COL24A1: variants seen among roughly 807,000 people sequenced by gnomAD.
COL24A1 encodes the protein collagen alpha-1(XXIV) chain.
COL24A1 carries 224 observed loss-of-function variants against 253.9 expected under a neutral mutation model. The ratio of observed to expected loss-of-function variants is 0.88; its 90% CI spans 0.79 to 0.99. COL24A1 has a LOEUF of 0.99. Among genes scored for constraint, COL24A1 ranks in the 50% least tolerant of loss-of-function variants. COL24A1 has a pLI of 0.00. For missense variants in COL24A1, 2,131 were observed against 2,068.5 expected, an observed-to-expected ratio of 1.03 and a Z score of -0.59; for synonymous variants, 685 against 673.7, an observed-to-expected ratio of 1.02 and a Z score of -0.26.
chr1:85,739,410 C>G (rs943656154), intron 57 of COL24A1, among the ~76,000 whole-genome samples: 108 of 152,272 alleles, frequency 7.1e-4, no homozygotes, highest in African/African-American at 2.6e-3. Flanking sequence ...CATGACATAT[C>G]TTTTGTGAGC....
intron 5 of COL24A1, among the ~76,000 whole-genome samples, chr1:86,098,757 T>C (rs1461444730): frequency 6.6e-6 from 1 of 152,170 alleles, no homozygotes; most frequent in African/African-American, 2.4e-5. Flanking sequence ...ACCAAACCTT[T>C]AAGTTTAAGG....
chr1:85,744,604 C>G, intron 57 of COL24A1, 62 bp downstream of exon 57: 2 of 1,405,844 alleles, frequency 1.4e-6, no homozygotes, highest in Non-Finnish European at 2.0e-6. Flanking sequence ...TTACAAATCT[C>G]AAACACACTG....
At chr1:85,828,310 TTTTAC>T (rs1385805693) in intron 43 of COL24A1, among the ~76,000 whole-genome samples, 1 of 151,654 alleles carries the variant, frequency 6.6e-6, no homozygotes, top group Admixed American at 6.6e-5. Context: ...ATTTCTATTC[TTTTAC>T]ATTTGCTGAG....
At position 85,761,565 on chromosome 1, in the gene COL24A1, C is replaced by A; in HGVS notation, c.4376G>T (p.Gly1459Val). 1 of 1,614,020 alleles carries A rather than the reference C, an allele frequency of 6.2e-7. No homozygotes were observed. The highest frequency in any genetic ancestry group is 8.5e-7 in the Non-Finnish European group (1 of 1,179,942). Residue 1459 changes from glycine to valine, a missense_variant and splice_region_variant, in exon 54 of 60, where the codon GGT becomes GTT. By Grantham distance (109) the Gly-to-Val change is moderately radical. Coordinates refer to ENST00000370571, the MANE Select transcript of COL24A1 (RefSeq NM_152890.7). ...TGGTTGACCTCTTGGTCCTTGAGGA[C>A]CCTGGAAGAAATGGAGACAAACACA... ...RGEKGFRGET[G>V]PQGPRGQPGP...
intron 47 of COL24A1, among the ~76,000 whole-genome samples, chr1:85,804,512 C>A (rs1022976567): frequency 6.6e-6 from 1 of 152,120 alleles, no homozygotes; most frequent in African/African-American, 2.4e-5. Flanking sequence ...GGGCAATTTA[C>A]AAAAGAAAGA....
At chr1:85,929,741 C>A (rs1687630647) in intron 24 of COL24A1, among the ~76,000 whole-genome samples, 1 of 146,534 alleles carries the variant, frequency 6.8e-6, no homozygotes, top group Admixed American at 6.9e-5. Context: ...ATCTCTCAGA[C>A]CACAGTGCAA....
intron 42 of COL24A1, among the ~76,000 whole-genome samples, chr1:85,840,760 T>C (rs965903355): frequency 6.6e-6 from 1 of 152,126 alleles, no homozygotes. Flanking sequence ...ATCAGTAATC[T>C]TTAAAGGTTA....
At chr1:85,858,975 T>C (rs142024657) in intron 37 of COL24A1, among the ~76,000 whole-genome samples, 5 of 152,142 alleles carry the variant, frequency 3.3e-5, no homozygotes, top group African/African-American at 1.2e-4. Flanking sequence ...ACGGCCCAAG[T>C]GGTCCTCCCG....
At chr1:85,955,384 C>T (rs913567685) in intron 24 of COL24A1, among the ~76,000 whole-genome samples, 1 of 152,226 alleles carries the variant, frequency 6.6e-6, no homozygotes, top group African/African-American at 2.4e-5. Flanking sequence ...AGGGCAAGAA[C>T]CCGGGATACA....
At chr1:86,156,259 T>A in intron 1 of COL24A1, 82 bp downstream of exon 1, 1 of 1,354,074 alleles carries the variant, frequency 7.4e-7, no homozygotes, top group Non-Finnish European at 1.0e-6. Context: ...GGACTTCAGA[T>A]CTCCATCAGG....
At chr1:86,123,745 GTTTA>G (rs1647780851) in intron 3 of COL24A1, among the ~76,000 whole-genome samples, 2 of 151,972 alleles carry the variant, frequency 1.3e-5, no homozygotes, top group East Asian at 3.9e-4. Flanking sequence ...TAGTTGAAGA[GTTTA>G]TTTCTCTATA....
At chr1:86,018,680 TATGA>T (rs950074231) in intron 18 of COL24A1, among the ~76,000 whole-genome samples, 51 of 152,238 alleles carry the variant, frequency 3.4e-4, no homozygotes, top group African/African-American at 9.9e-4. Context: ...GCAAATTTCC[TATGA>T]ATGTCAATTT....
rs778089215 is a variant in COL24A1, at chr1:85,965,039, A to C, written c.2487T>G (p.Tyr829Ter). Residue 829 changes from tyrosine to a stop codon, truncating the protein, a stop_gained, in exon 23 of 60, where the codon TAT becomes TAG. Coordinates refer to ENST00000370571, the MANE Select transcript of COL24A1 (RefSeq NM_152890.7). LOFTEE classifies it high-confidence loss of function. ...AGCCTTCTGGTCCTGGTTCACCTGC[A>C]TACCCCTTTTGACCTGGTTTTCCCT... ...GPRGKPGQKG[Y>*]AGEPGPEGLK... 6 of 1,611,316 alleles carry C rather than the reference A, an allele frequency of 3.7e-6. No homozygotes were observed. The highest frequency in any genetic ancestry group is 5.1e-6 in the Non-Finnish European group (6 of 1,178,332).
chr1:85,951,898 A>C (rs1377721757), intron 24 of COL24A1, among the ~76,000 whole-genome samples: 1 of 152,218 alleles, frequency 6.6e-6, no homozygotes, highest in Non-Finnish European at 1.5e-5. Context: ...AGTTTTCTAC[A>C]AAACACAAAG....
At chr1:85,783,008 A>G (rs1056974747) in intron 51 of COL24A1, among the ~76,000 whole-genome samples, 7 of 152,198 alleles carry the variant, frequency 4.6e-5, no homozygotes, top group Non-Finnish European at 7.3e-5. Context: ...GGAGTTCTTC[A>G]GACCCTGCTT....
rs1038142916 is a variant in COL24A1, at chr1:86,130,448, C to T, written c.122-4234G>A. ...TATGTAGTTTGTTTCCTTTGCTTTGCTTTGTGTATGCCTTTTGAGATTTAG... is the reference window on the plus strand; with the variant it reads ...TATGTAGTTTGTTTCCTTTGCTTTGTTTTGTGTATGCCTTTTGAGATTTAG... On this transcript the variant is annotated intron_variant, in intron 2 of 59. Coordinates refer to ENST00000370571, the MANE Select transcript of COL24A1 (RefSeq NM_152890.7). 6.6e-5 allele frequency among the ~76,000 whole-genome samples: 10 copies of T among 151,604 alleles called. No homozygotes were observed. In the South Asian group the frequency reaches 1.9e-3, roughly 28 times the overall value.
At chr1:85,905,540 T>C (rs1460991363) in intron 28 of COL24A1, among the ~76,000 whole-genome samples, 2 of 152,206 alleles carry the variant, frequency 1.3e-5, no homozygotes, top group Non-Finnish European at 1.5e-5. Context: ...TCTCTCTCCC[T>C]CTTTTAAAGC....
chr1:86,149,434 C>T (rs1057040870), intron 1 of COL24A1, among the ~76,000 whole-genome samples: 5 of 152,186 alleles, frequency 3.3e-5, no homozygotes, highest in African/African-American at 7.2e-5. Flanking sequence ...TATGTTTCAA[C>T]ATATAACTGG....
At chr1:86,003,060 G>A (rs1257590022) in intron 19 of COL24A1, among the ~76,000 whole-genome samples, 5 of 152,172 alleles carry the variant, frequency 3.3e-5, no homozygotes, top group East Asian at 1.9e-4. Flanking sequence ...GAGGTATTAT[G>A]GTGGGAGAAG....
Sources: allele counts gnomAD v4.1 joint callset (sites outside exome capture counted in the v4.1 genomes callset), GRCh38; gene constraint gnomAD v4.1.1; transcripts MANE v1.5; gene names NCBI Gene and HGNC (gene_info 2026-07-23, HGNC 2026-07-21).